LNX1: variants seen among roughly 807,000 people sequenced by gnomAD.
LNX1 encodes the protein ligand of numb-protein X 1.
A neutral mutation model predicts 68.4 loss-of-function variants in LNX1; 54 were observed. The observed-to-expected ratio is 0.79, with a 90% CI of 0.63 to 0.99. The LOEUF (loss-of-function observed/expected upper bound fraction) is 0.99. Ranked by LOEUF, LNX1 falls within the 50% of genes least tolerant of loss-of-function variation. The probability of loss-of-function intolerance (pLI) is 0.00; values close to 1 mark genes in which losing one functional copy is unlikely to be tolerated. For synonymous variants in LNX1, 336 were observed against 350.0 expected (o/e 0.96, Z 0.45); for missense variants, 906 against 926.4 (o/e 0.98, Z 0.29).
intron 1 of LNX1, among the ~76,000 whole-genome samples, chr4:53,582,292 G>A (rs901732697): frequency 6.6e-6 from 1 of 152,182 alleles, no homozygotes; most frequent in Non-Finnish European, 1.5e-5. Flanking sequence ...TGTTACACTT[G>A]ACAGAGACAC....
chr4:53,554,630 G>A lies in LNX1; in HGVS notation c.380+18993C>T, dbSNP rs1577705924. Among the ~76,000 whole-genome samples the A allele has an allele frequency of 2.0e-5, 3 of 152,154 alleles. No individual in the cohort carries two copies. In the South Asian group the frequency reaches 6.2e-4, roughly 31 times the overall value. On this transcript the variant is annotated intron_variant, in intron 2 of 10. Coordinates refer to ENST00000263925, the MANE Select transcript of LNX1 (RefSeq NM_001126328.3). ...GCACTTTGGGAGGCCAAGGTGGGTG[G>A]ATCACAAGGTCAGGAGTTCAAGACC...
At chr4:53,514,282 A>G (rs1270552697) in intron 2 of LNX1, among the ~76,000 whole-genome samples, 2 of 152,218 alleles carry the variant, frequency 1.3e-5, no homozygotes, top group African/African-American at 4.8e-5. Context: ...TGACTTTTAA[A>G]TGAAAGAACG....
chr4:53,631,309 C>T (rs1323883814), intron 1 of LNX1, among the ~76,000 whole-genome samples: 1 of 152,118 alleles, frequency 6.6e-6, no homozygotes, highest in Non-Finnish European at 1.5e-5. Context: ...ACACCCTTTT[C>T]CACCCACTAT....
intron 2 of LNX1, among the ~76,000 whole-genome samples, chr4:53,555,125 G>A (rs1463854615): frequency 6.6e-6 from 1 of 152,150 alleles, no homozygotes; most frequent in East Asian, 1.9e-4. Context: ...GATCCCCCAA[G>A]CTCTGCCTGC....
chr4:53,596,628 T>C (rs1401592091), intron 2 of LNX1, among the ~76,000 whole-genome samples: 1 of 152,210 alleles, frequency 6.6e-6, no homozygotes, highest in South Asian at 2.1e-4. Context: ...AAGGTTGCCA[T>C]GTCTTTGTTC....
chr4:53,526,206 G>A (rs777274201), intron 2 of LNX1, among the ~76,000 whole-genome samples: 6 of 152,160 alleles, frequency 3.9e-5, no homozygotes, highest in East Asian at 3.9e-4. Flanking sequence ...CACTGGACAC[G>A]GCACACTGCT....
At chr4:53,574,981 CGT>C (rs398051167) in intron 1 of LNX1, among the ~76,000 whole-genome samples, 111 of 130,994 alleles carry the variant, frequency 8.5e-4, no homozygotes, top group African/African-American at 2.7e-3. Context: ...TTAGATATTT[CGT>C]TTTTTTTTTT....
At chr4:53,539,319 T>C (rs1728591658) in intron 2 of LNX1, 1 of 152,236 alleles carries the variant, frequency 6.6e-6, no homozygotes, top group East Asian at 1.9e-4. Context: ...TACTGAGTTA[T>C]GTTTGGGCTG....
chr4:53,466,215 ATGTCT>A (rs1196949668), intron 9 of LNX1, among the ~76,000 whole-genome samples: 12 of 152,230 alleles, frequency 7.9e-5, no homozygotes, highest in East Asian at 1.9e-4. Flanking sequence ...CAGAAAAGGT[ATGTCT>A]TGTCTTGATA....
chr4:53,579,766 C>A (rs187249824), intron 1 of LNX1, among the ~76,000 whole-genome samples: 1 of 152,130 alleles, frequency 6.6e-6, no homozygotes, highest in East Asian at 1.9e-4. Flanking sequence ...TTTCAATGCA[C>A]CCTGGCTTTA....
intron 2 of LNX1, among the ~76,000 whole-genome samples, chr4:53,600,884 C>T (rs1409590762): frequency 1.3e-5 from 2 of 150,614 alleles, no homozygotes; most frequent in Non-Finnish European, 3.0e-5. Flanking sequence ...GTGCCCACCA[C>T]CACACCTGGC....
intron 2 of LNX1, among the ~76,000 whole-genome samples, chr4:53,556,904 T>A (rs1263006591): frequency 6.6e-6 from 1 of 152,216 alleles, no homozygotes; most frequent in Non-Finnish European, 1.5e-5. Flanking sequence ...GAACTCTATT[T>A]AAAGTCTCTG....
chr4:53,538,510 A>T (rs990197812), intron 2 of LNX1, among the ~76,000 whole-genome samples: 2 of 152,216 alleles, frequency 1.3e-5, no homozygotes, highest in Admixed American at 6.5e-5. Flanking sequence ...ATCGTTGAAA[A>T]ACCACTCCAT....
chr4:53,479,793 T>TTTTAGAATATTTGCTTTGGATA (rs1723801674), intron 7 of LNX1, among the ~76,000 whole-genome samples: 1 of 152,234 alleles, frequency 6.6e-6, no homozygotes, highest in Non-Finnish European at 1.5e-5. Context: ...TGTATTTCCA[T>TTTTAGAATATTTGCTTTGGATA]TTTAGAATAT....
rs948509060 is a variant in LNX1 at position 53,477,967 on chromosome 4, G to A, written c.1663+598C>T. 1.7e-4 allele frequency among the ~76,000 whole-genome samples: 26 copies of A among 152,056 alleles called. 3 individuals are homozygous for A. The highest frequency in any genetic ancestry group is 1.4e-3 in the Admixed American group (22 of 15,268). ...AAATGGCATAATTCCTCACCCATCT[G>A]AGCTACCTACCCTCTTGAATGAATT... On this transcript the variant is annotated intron_variant, in intron 8 of 10. Coordinates refer to ENST00000263925, the MANE Select transcript of LNX1 (RefSeq NM_001126328.3).
chr4:53,535,973 C>T (rs927084897), intron 2 of LNX1, among the ~76,000 whole-genome samples: 6 of 152,102 alleles, frequency 3.9e-5, no homozygotes, highest in African/African-American at 1.2e-4. Flanking sequence ...TCAGTACTTC[C>T]GAGAGGTATT....
intron 2 of LNX1, among the ~76,000 whole-genome samples, chr4:53,567,337 A>G (rs1467209788): frequency 4.0e-5 from 6 of 148,388 alleles, no homozygotes; most frequent in African/African-American, 1.5e-4. Flanking sequence ...CAGGATTAAG[A>G]ATCTCACTCA....
At chr4:53,559,794 C>T (rs1383588265) in intron 2 of LNX1, among the ~76,000 whole-genome samples, 2 of 149,366 alleles carry the variant, frequency 1.3e-5, no homozygotes, top group African/African-American at 2.5e-5. Context: ...ACTACAGGTG[C>T]GTGCCGCCAT....
intron 2 of LNX1, among the ~76,000 whole-genome samples, chr4:53,528,607 G>C (rs879612586): frequency 6.6e-6 from 1 of 152,200 alleles, no homozygotes; most frequent in Admixed American, 6.5e-5. Flanking sequence ...GGAGAAAACA[G>C]TGTATACAGG....
Sources: gnomAD v4.1 joint callset for allele counts (sites outside exome capture counted in the v4.1 genomes callset) on GRCh38, gnomAD v4.1.1 for gene constraint, MANE v1.5 for transcripts, NCBI Gene and HGNC (gene_info 2026-07-23, HGNC 2026-07-21) for gene names.